Variants in CCDC85A observed in about 807,000 individuals in gnomAD.
CCDC85A encodes the protein coiled-coil domain-containing protein 85A.
CCDC85A carries 38 observed loss-of-function variants against 50.2 expected under a neutral mutation model. That is an observed-to-expected ratio of 0.76 (90% confidence interval 0.58 to 0.99). The LOEUF (loss-of-function observed/expected upper bound fraction) is 0.99. Ranked by LOEUF, CCDC85A falls within the 50% of genes least tolerant of loss-of-function variation. CCDC85A has a pLI of 0.00. For synonymous variants in CCDC85A, 366 were observed against 301.4 expected (o/e 1.21, Z -2.22); for missense variants, 820 against 742.0 (o/e 1.11, Z -1.22).
chr2:56,362,529 A>G (rs1032705667), intron 3 of CCDC85A, among the ~76,000 whole-genome samples: 1 of 152,098 alleles, frequency 6.6e-6, no homozygotes, highest in African/African-American at 2.4e-5. Flanking sequence ...ATACCCCAAG[A>G]TTTAAAGATG....
intron 2 of CCDC85A, among the ~76,000 whole-genome samples, chr2:56,198,480 A>G (rs1676613467): frequency 1.3e-5 from 2 of 152,218 alleles, no homozygotes; most frequent in African/African-American, 2.4e-5. Flanking sequence ...GCACACTTTG[A>G]TAAGACATCA....
intron 5 of CCDC85A, among the ~76,000 whole-genome samples, chr2:56,380,011 G>T (rs1676510460): frequency 6.6e-6 from 1 of 152,038 alleles, no homozygotes; most frequent in African/African-American, 2.4e-5. Flanking sequence ...TTTTATTGTA[G>T]TTTTATTAAT....
intron 2 of CCDC85A, among the ~76,000 whole-genome samples, chr2:56,228,714 T>C (rs1668649573): frequency 6.6e-6 from 1 of 151,998 alleles, no homozygotes; most frequent in African/African-American, 2.4e-5. Flanking sequence ...TTTGTGTTTT[T>C]AGTAGAGACA....
intron 3 of CCDC85A, among the ~76,000 whole-genome samples, chr2:56,348,248 G>T (rs1215807456): frequency 6.6e-6 from 1 of 152,096 alleles, no homozygotes; most frequent in Non-Finnish European, 1.5e-5. Context: ...TATTCGTTGT[G>T]CTCAGAGACC....
At chr2:56,227,719 AT>A (rs11293407) in intron 2 of CCDC85A, among the ~76,000 whole-genome samples, 125,928 of 150,056 alleles carry the variant, frequency 0.84, 52,802 homozygotes, top group African/African-American at 0.86. Context: ...AACCACCCCC[AT>A]TTTTTTTTTT....
At chr2:56,218,497 T>C (rs1427469330) in intron 2 of CCDC85A, among the ~76,000 whole-genome samples, 3 of 151,922 alleles carry the variant, frequency 2.0e-5, no homozygotes, top group African/African-American at 7.2e-5. Flanking sequence ...ATACATATGT[T>C]TTATAAACCA....
At chr2:56,269,751 C>A (rs1028685597) in intron 2 of CCDC85A, among the ~76,000 whole-genome samples, 1 of 152,144 alleles carries the variant, frequency 6.6e-6, no homozygotes, top group Non-Finnish European at 1.5e-5. Flanking sequence ...AAAAGCCTTT[C>A]ATTTTTTTTA....
intron 4 of CCDC85A, among the ~76,000 whole-genome samples, 193 bp from the exon 5 acceptor site, chr2:56,375,623 C>T (rs1224416510): frequency 2.0e-5 from 3 of 152,090 alleles, no homozygotes; most frequent in Admixed American, 6.6e-5. Context: ...TGAAGTGGCT[C>T]TTCTTTATGT....
intron 2 of CCDC85A, among the ~76,000 whole-genome samples, chr2:56,208,511 A>C (rs537805703): frequency 6.6e-6 from 1 of 152,222 alleles, no homozygotes; most frequent in Admixed American, 6.5e-5. Flanking sequence ...CATCTCCTGG[A>C]ATCCTGTGTT....
intron 2 of CCDC85A, among the ~76,000 whole-genome samples, chr2:56,199,490 C>T (rs530727616): frequency 3.2e-4 from 48 of 152,240 alleles, no homozygotes; most frequent in Non-Finnish European, 5.7e-4. Context: ...AAATTTATCA[C>T]CTTAGGCTCT....
At chr2:56,383,504 C>A in intron 5 of CCDC85A, 7 of 736,890 alleles carry the variant, frequency 9.5e-6, no homozygotes, top group Non-Finnish European at 1.2e-5. Flanking sequence ...TTCTTGATTG[C>A]ACCTTTTGTC....
At position 56,184,385 on chromosome 2, in the gene CCDC85A, T is replaced by A. The variant is rs1675898293; in HGVS notation, c.-240T>A. ...GACTTGCGCGGAGTTGGGACGGGCC[T>A]CGGCAGCAGCAAGCGGCTGGCTGCC... On this transcript the variant is annotated 5_prime_UTR_variant, in exon 1 of 6. Coordinates refer to ENST00000407595, the MANE Select transcript of CCDC85A (RefSeq NM_001080433.2). 1 of 493,258 alleles carries A rather than the reference T, an allele frequency of 2.0e-6. No individual in the cohort carries two copies. The highest frequency in any genetic ancestry group is 3.0e-6 in the Non-Finnish European group (1 of 333,798). The allele number at this position is 493,258 out of a possible 1,614,324, so 30.6% of individuals were successfully genotyped here.
chr2:56,183,903 T>C (rs1023643772), upstream of CCDC85A: 1 of 985,376 alleles, frequency 1.0e-6, no homozygotes, highest in Non-Finnish European at 1.2e-6. Context: ...GAGTGGCAGC[T>C]GCGTCCAGCC....
chr2:56,374,886 G>C (rs965459594), intron 4 of CCDC85A, among the ~76,000 whole-genome samples: 5 of 152,192 alleles, frequency 3.3e-5, no homozygotes, highest in African/African-American at 1.2e-4. Flanking sequence ...CGGGGTGTTA[G>C]ATTGATAGAA....
At chr2:56,361,945 G>A (rs1675547070) in intron 3 of CCDC85A, among the ~76,000 whole-genome samples, 1 of 152,198 alleles carries the variant, frequency 6.6e-6, no homozygotes, top group South Asian at 2.1e-4. Context: ...TAGTCTAAGA[G>A]AGCTGAGAGT....
chr2:56,261,655 A>C (rs1670224873), intron 2 of CCDC85A, among the ~76,000 whole-genome samples: 1 of 152,230 alleles, frequency 6.6e-6, no homozygotes, highest in African/African-American at 2.4e-5. Context: ...CATCTGATGA[A>C]ATGAAAATAA....
At chr2:56,240,918 A>G (rs1669228436) in intron 2 of CCDC85A, among the ~76,000 whole-genome samples, 1 of 152,004 alleles carries the variant, frequency 6.6e-6, no homozygotes, top group Non-Finnish European at 1.5e-5. Context: ...TCATGCAGTG[A>G]CTCTATATTT....
chr2:56,191,756 A>T (rs1318358706), intron 1 of CCDC85A, among the ~76,000 whole-genome samples: 1 of 152,198 alleles, frequency 6.6e-6, no homozygotes, highest in Non-Finnish European at 1.5e-5. Context: ...GGAGATGTTC[A>T]GGTGGGTGTG....
intron 2 of CCDC85A, among the ~76,000 whole-genome samples, chr2:56,288,227 G>T (rs1671536123): frequency 6.6e-6 from 1 of 151,774 alleles, no homozygotes; most frequent in Non-Finnish European, 1.5e-5. Flanking sequence ...TTTATTTGTG[G>T]CAAATTCATC....
Sources: gnomAD v4.1 joint callset for allele counts (sites outside exome capture counted in the v4.1 genomes callset) on GRCh38, gnomAD v4.1.1 for gene constraint, MANE v1.5 for transcripts, NCBI Gene and HGNC (gene_info 2026-07-23, HGNC 2026-07-21) for gene names.